The following SPAG16 variants were observed in gnomAD, a reference collection of about 807,000 sequenced individuals.
SPAG16 encodes sperm-associated antigen 16 protein.
A neutral mutation model predicts 80.4 loss-of-function variants in SPAG16; 86 were observed. The observed-to-expected ratio is 1.07, with a 90% CI of 0.90 to 1.28. The LOEUF is 1.28. Among genes scored for constraint, SPAG16 ranks in the 50% most tolerant of loss-of-function variants. The pLI is 0.00. For missense variants in SPAG16, 870 were observed against 765.3 expected, an observed-to-expected ratio of 1.14 and a Z score of -1.61; for synonymous variants, 294 against 265.9, an observed-to-expected ratio of 1.11 and a Z score of -1.03.
chr2:213,899,184 A>G (rs902017303), intron 11 of SPAG16, among the ~76,000 whole-genome samples: 1 of 152,110 alleles, frequency 6.6e-6, no homozygotes, highest in Non-Finnish European at 1.5e-5. Context: ...GTGTACTTGT[A>G]AAGTGGAAAT....
intron 10 of SPAG16, among the ~76,000 whole-genome samples, chr2:213,813,684 C>T (rs934256606): frequency 3.9e-5 from 6 of 152,092 alleles, no homozygotes; most frequent in East Asian, 1.9e-4. Context: ...GAAGCAGAGG[C>T]GGTCTGCTGC....
intron 12 of SPAG16, among the ~76,000 whole-genome samples, chr2:213,932,949 A>AACACACACAC (rs3076792): frequency 0.058 from 8,367 of 143,840 alleles, 261 homozygotes; most frequent in Admixed American, 0.092. Context: ...GTTGTTTGAA[A>AACACACACAC]ACACACACAC....
chr2:213,584,110 C>G lies in SPAG16; in HGVS notation c.1070+94020C>G, dbSNP rs572040384. Among the ~76,000 whole-genome samples the G allele has an allele frequency of 3.9e-5, 6 of 152,316 alleles. No homozygotes were observed. The South Asian group carries it at 1.0e-3, about 26-fold the overall frequency. The stretch of plus-strand genomic sequence containing the variant: ...TTCTGATGTCCTTATAAGCACTCTA[C>G]TGGATGACCCCCTAACATGTAGTAT... On this transcript the variant is annotated intron_variant, in intron 10 of 15. Coordinates refer to ENST00000331683, the MANE Select transcript of SPAG16 (RefSeq NM_024532.5).
chr2:213,400,507 A>T (rs527377884), intron 9 of SPAG16, among the ~76,000 whole-genome samples: 1 of 152,288 alleles, frequency 6.6e-6, no homozygotes, highest in African/African-American at 2.4e-5. Context: ...CATGGTCAGA[A>T]TGCATGGTTT....
intron 15 of SPAG16, among the ~76,000 whole-genome samples, chr2:214,179,989 A>G (rs796454795): frequency 4.0e-5 from 6 of 151,638 alleles, no homozygotes; most frequent in African/African-American, 1.2e-4. Flanking sequence ...AAGACTGTCA[A>G]TTTTATATAA....
intron 10 of SPAG16, among the ~76,000 whole-genome samples, chr2:213,575,544 A>G (rs1424817425): frequency 2.0e-5 from 3 of 152,066 alleles, no homozygotes; most frequent in Non-Finnish European, 2.9e-5. Context: ...GTTTATAATG[A>G]TTTTGTGTAT....
intron 10 of SPAG16, among the ~76,000 whole-genome samples, chr2:213,526,012 A>G (rs1353544722): frequency 2.0e-5 from 3 of 152,088 alleles, no homozygotes; most frequent in Non-Finnish European, 2.9e-5. Context: ...ACTTTTACCT[A>G]TTTGTCTGTT....
At chr2:213,285,715 A>C (rs568034637) in intron 1 of SPAG16, among the ~76,000 whole-genome samples, 1 of 152,228 alleles carries the variant, frequency 6.6e-6, no homozygotes, top group African/African-American at 2.4e-5. Context: ...TATTGGGTGC[A>C]AAAACGACTT....
At chr2:213,382,349 C>T (rs2067214317) in intron 9 of SPAG16, among the ~76,000 whole-genome samples, 1 of 152,304 alleles carries the variant, frequency 6.6e-6, no homozygotes, top group South Asian at 2.1e-4. Context: ...TCTGTCAGAG[C>T]TCATGAACAT....
At chr2:214,024,591 CTT>C (rs2048039965) in intron 13 of SPAG16, among the ~76,000 whole-genome samples, 1 of 151,424 alleles carries the variant, frequency 6.6e-6, no homozygotes, top group Admixed American at 6.6e-5. Context: ...ACATTCTAAA[CTT>C]AAAGATATTT....
At chr2:214,242,591 A>G (rs564099482) in intron 15 of SPAG16, among the ~76,000 whole-genome samples, 2 of 152,168 alleles carry the variant, frequency 1.3e-5, no homozygotes, top group East Asian at 3.9e-4. Flanking sequence ...AAAAAATAAG[A>G]AAAAAATATT....
intron 1 of SPAG16, among the ~76,000 whole-genome samples, chr2:213,293,840 G>T (rs901255347): frequency 8.5e-5 from 13 of 152,120 alleles, no homozygotes; most frequent in African/African-American, 3.1e-4. Context: ...AACATATTTT[G>T]ATTTACATAT....
intron 10 of SPAG16, among the ~76,000 whole-genome samples, chr2:213,647,902 C>T (rs752785760): frequency 3.3e-5 from 5 of 152,138 alleles, no homozygotes; most frequent in Non-Finnish European, 2.9e-5. Context: ...GGCTCCCTTA[C>T]GTCCACAGCA....
At chr2:213,949,290 C>T (rs971909700) in intron 12 of SPAG16, among the ~76,000 whole-genome samples, 2 of 150,006 alleles carry the variant, frequency 1.3e-5, no homozygotes, top group African/African-American at 2.5e-5. Flanking sequence ...CGTGCCTCAG[C>T]CGCCTAAGTA....
intron 15 of SPAG16, among the ~76,000 whole-genome samples, chr2:214,252,474 T>G (rs1447079774): frequency 6.7e-6 from 1 of 149,846 alleles, no homozygotes; most frequent in Non-Finnish European, 1.5e-5. Flanking sequence ...GACCACAGTA[T>G]GTGATGTTCC....
intron 10 of SPAG16, among the ~76,000 whole-genome samples, chr2:213,607,325 G>T (rs2061297639): frequency 1.3e-5 from 2 of 151,722 alleles, no homozygotes; most frequent in South Asian, 4.2e-4. Context: ...ATTTTCTATT[G>T]CACCTTTCTT....
At position 213,913,689 on chromosome 2, in the gene SPAG16, A is replaced by G. The variant is rs114681706; in HGVS notation, c.1215-16271A>G. Among the ~76,000 whole-genome samples, 339 of 150,358 alleles carry G rather than the reference A, an allele frequency of 2.3e-3. 2 individuals carry two copies. The highest frequency in any genetic ancestry group is 8.4e-3 in the African/African-American group (336 of 39,988). On this transcript the variant is annotated intron_variant, in intron 11 of 15. Coordinates refer to ENST00000331683, the MANE Select transcript of SPAG16 (RefSeq NM_024532.5). The stretch of plus-strand genomic sequence containing the variant: ...TATGTACATATGGATATATATGCAT[A>G]CACATACATGTGTGTATGCATATAT...
At chr2:213,919,531 G>A (rs1230013327) in intron 11 of SPAG16, among the ~76,000 whole-genome samples, 1 of 152,006 alleles carries the variant, frequency 6.6e-6, no homozygotes, top group Non-Finnish European at 1.5e-5. Context: ...CTTGATTTCT[G>A]CTTTAATTTC....
chr2:213,375,290 A>G (rs979457239), intron 9 of SPAG16, 171 bp downstream of exon 9: 5 of 473,406 alleles, frequency 1.1e-5, no homozygotes, highest in Non-Finnish European at 1.9e-5. Flanking sequence ...ACTAGTAAGT[A>G]GTTAATTCAG....
Sources: allele counts gnomAD v4.1 joint callset (sites outside exome capture counted in the v4.1 genomes callset), GRCh38; gene constraint gnomAD v4.1.1; transcripts MANE v1.5; gene names NCBI Gene and HGNC (gene_info 2026-07-23, HGNC 2026-07-21).